GRM3: variants seen among roughly 807,000 people sequenced by gnomAD.
The protein encoded by GRM3 is metabotropic glutamate receptor 3.
GRM3 carries 26 observed loss-of-function variants against 70.5 expected under a neutral mutation model. The ratio of observed to expected loss-of-function variants is 0.37; its 90% confidence interval spans 0.27 to 0.51. GRM3 has a LOEUF of 0.51. Ranked by LOEUF, GRM3 falls within the 20% of genes least tolerant of loss-of-function variation. GRM3 has a pLI of 0.93. For synonymous variants in GRM3, 443 were observed against 434.9 expected (o/e 1.02, Z -0.23); for missense variants, 859 against 1,123.8 (o/e 0.76, Z 3.37).
chr7:86,731,103 G>A (rs918660445), intron 1 of GRM3, among the ~76,000 whole-genome samples: 2 of 147,056 alleles, frequency 1.4e-5, no homozygotes, highest in African/African-American at 2.7e-5. Flanking sequence ...CAATCATTAC[G>A]ACAAGCTTGA....
At chr7:86,708,226 A>G (rs1215472539) in intron 1 of GRM3, among the ~76,000 whole-genome samples, 1 of 152,084 alleles carries the variant, frequency 6.6e-6, no homozygotes, top group African/African-American at 2.4e-5. Context: ...CCCCTTCTTG[A>G]CACTTGAAGA....
chr7:86,667,706 T>C (rs1794061952), intron 1 of GRM3, among the ~76,000 whole-genome samples: 1 of 152,150 alleles, frequency 6.6e-6, no homozygotes, highest in African/African-American at 2.4e-5. Context: ...TCTTTTATAT[T>C]AGTCACCTCT....
chr7:86,669,937 A>G (rs535121751), intron 1 of GRM3, among the ~76,000 whole-genome samples: 141 of 152,184 alleles, frequency 9.3e-4, no homozygotes, highest in Non-Finnish European at 1.7e-3. Context: ...CTAGTCCTAG[A>G]TCAGCAACAC....
chr7:86,696,211 T>C (rs1379739633), intron 1 of GRM3, among the ~76,000 whole-genome samples: 2 of 152,210 alleles, frequency 1.3e-5, no homozygotes, highest in Admixed American at 1.3e-4. Flanking sequence ...ATTGTTACCT[T>C]GTCTGGCAAA....
intron 1 of GRM3, among the ~76,000 whole-genome samples, chr7:86,722,107 C>A (rs1795480047): frequency 6.6e-6 from 1 of 151,954 alleles, no homozygotes; most frequent in Non-Finnish European, 1.5e-5. Flanking sequence ...CATAATAGAC[C>A]CCAGAGAGGC....
chr7:86,800,411 A>G (rs773917171), intron 3 of GRM3, among the ~76,000 whole-genome samples: 1 of 152,246 alleles, frequency 6.6e-6, no homozygotes, highest in Non-Finnish European at 1.5e-5. Flanking sequence ...CTAATAAAGA[A>G]AAGAGAGAAG....
intron 1 of GRM3, among the ~76,000 whole-genome samples, chr7:86,658,703 A>C (rs910191118): frequency 6.6e-6 from 1 of 152,180 alleles, no homozygotes; most frequent in Non-Finnish European, 1.5e-5. Flanking sequence ...TAAATTGAAC[A>C]GGGGTTAATT....
At chr7:86,749,850 G>A (rs1200777804) in intron 1 of GRM3, among the ~76,000 whole-genome samples, 1 of 151,990 alleles carries the variant, frequency 6.6e-6, no homozygotes, top group Non-Finnish European at 1.5e-5. Flanking sequence ...ATTCTCAACA[G>A]ATGGGAGTTA....
intron 1 of GRM3, among the ~76,000 whole-genome samples, chr7:86,754,702 G>T (rs573602903): frequency 6.6e-6 from 1 of 152,286 alleles, no homozygotes; most frequent in East Asian, 1.9e-4. Flanking sequence ...GAAAGACAGA[G>T]AGAGGCTATT....
intron 1 of GRM3, among the ~76,000 whole-genome samples, chr7:86,727,196 T>C (rs1167989905): frequency 6.6e-6 from 1 of 152,174 alleles, no homozygotes; most frequent in African/African-American, 2.4e-5. Context: ...AAGATCTTAA[T>C]GGAAGAAATG....
chr7:86,729,378 T>A (rs1262001091), intron 1 of GRM3, among the ~76,000 whole-genome samples: 1 of 152,232 alleles, frequency 6.6e-6, no homozygotes, highest in Non-Finnish European at 1.5e-5. Flanking sequence ...GTTCCATTTT[T>A]TTAAAGAGAG....
intron 3 of GRM3, among the ~76,000 whole-genome samples, chr7:86,795,844 C>G (rs1378867503): frequency 1.3e-5 from 2 of 152,200 alleles, no homozygotes; most frequent in Admixed American, 6.5e-5. Flanking sequence ...AATGGTTGAT[C>G]TAATTTACAT....
intron 1 of GRM3, among the ~76,000 whole-genome samples, chr7:86,735,741 T>G (rs1180592774): frequency 1.3e-5 from 2 of 152,178 alleles, no homozygotes; most frequent in African/African-American, 4.8e-5. Flanking sequence ...AACACTGCCT[T>G]TCACAAACAA....
At chr7:86,768,519 A>G (rs1796660743) in intron 2 of GRM3, among the ~76,000 whole-genome samples, 1 of 152,188 alleles carries the variant, frequency 6.6e-6, no homozygotes, top group Non-Finnish European at 1.5e-5. Context: ...CAGTAACTAT[A>G]ATTCAGAATA....
chr7:86,765,218 G>T lies in GRM3; in HGVS notation c.73G>T (p.Asp25Tyr), dbSNP rs763644121. ...AAAGGGATTTTTACTCTCTTTAGGG[G>T]ACCATAACTTTCTAAGGAGAGAGAT... ...FSKGFLLSLGDHNFLRREIKI... is the reference protein window; with the variant it reads ...FSKGFLLSLGYHNFLRREIKI... Residue 25 changes from aspartate (D) to tyrosine (Y), a missense_variant, in exon 2 of 6, where the codon GAC (aspartate) becomes TAC (tyrosine). Transcript: ENST00000361669. 1.2e-6 allele frequency: 2 copies of T among 1,613,264 alleles called. No homozygotes were observed. The highest frequency in any genetic ancestry group is 3.3e-5 in the Admixed American group (2 of 59,862).
intron 3 of GRM3, among the ~76,000 whole-genome samples, chr7:86,829,521 TCTTTCACTTG>T (rs1798308108): frequency 6.6e-6 from 1 of 152,208 alleles, no homozygotes; most frequent in African/African-American, 2.4e-5. Flanking sequence ...AGTGATTCTT[TCTTTCACTTG>T]AACACTTATA....
At chr7:86,767,301 A>C (rs1796622624) in intron 2 of GRM3, among the ~76,000 whole-genome samples, 1 of 151,774 alleles carries the variant, frequency 6.6e-6, no homozygotes, top group South Asian at 2.1e-4. Context: ...TCTATGAGCT[A>C]TTTGAAATTT....
chr7:86,785,414 G>A (rs997272865), intron 2 of GRM3, among the ~76,000 whole-genome samples: 22 of 152,082 alleles, frequency 1.4e-4, no homozygotes, highest in African/African-American at 4.8e-4. Context: ...ATTGTTGATA[G>A]TCAATTATAA....
intron 1 of GRM3, among the ~76,000 whole-genome samples, chr7:86,760,955 A>G (rs368119538): frequency 1.9e-4 from 29 of 152,284 alleles, no homozygotes; most frequent in East Asian, 1.2e-3. Context: ...ATGTAGTATG[A>G]ATAAATCAGT....
Sources: gnomAD v4.1 joint callset for allele counts (sites outside exome capture counted in the v4.1 genomes callset) on GRCh38, gnomAD v4.1.1 for gene constraint, MANE v1.5 for transcripts, NCBI Gene and HGNC (gene_info 2026-07-23, HGNC 2026-07-21) for gene names.